The following LRTM3 variants were observed in gnomAD, a reference collection of about 807,000 sequenced individuals.
LRTM3 encodes the protein leucine rich repeat transmembrane protein 3, also known as leucine-rich repeat transmembrane protein 3.
chr13:102,738,982 A>G, the LRTM3 span: 1 of 1,550,516 alleles, frequency 6.4e-7, no homozygotes, highest in Non-Finnish European at 8.7e-7. Flanking sequence ...TACTGCTTAA[A>G]CTATCATCAA....
chr13:102,749,227 A>G, the LRTM3 span: 16 of 1,550,682 alleles, frequency 1.0e-5, no homozygotes, highest in South Asian at 1.5e-4. Flanking sequence ...GAGATGGAAC[A>G]TTAAGACTGA....
chr13:102,755,959 ATATT>A, the LRTM3 span, among the ~76,000 whole-genome samples: 25 of 70,280 alleles, frequency 3.6e-4, no homozygotes, highest in East Asian at 1.2e-3. Flanking sequence ...ATATATATAT[ATATT>A]TTTTTTTTTT....
the LRTM3 span, chr13:102,749,238 G>C: frequency 1.3e-6 from 2 of 1,550,710 alleles, no homozygotes; most frequent in Non-Finnish European, 1.7e-6. Flanking sequence ...TTAAGACTGA[G>C]TTTGCTTTTA....
the LRTM3 span, chr13:102,743,584 GTCAGATAA>G: frequency 1.9e-6 from 3 of 1,549,852 alleles, no homozygotes; most frequent in Non-Finnish European, 1.7e-6. Context: ...GGTTTTTAGA[GTCAGATAA>G]AACAGGCATG....
At chr13:102,741,953 A>G in the LRTM3 span, 2 of 1,550,452 alleles carry the variant, frequency 1.3e-6, no homozygotes, top group Non-Finnish European at 1.7e-6. Context: ...CTTTTCTCTA[A>G]TATCTTGTTC....
chr13:102,750,646 A>G, the LRTM3 span, among the ~76,000 whole-genome samples: 2 of 152,162 alleles, frequency 1.3e-5, no homozygotes, highest in African/African-American at 4.8e-5. Context: ...TCTATTTTTG[A>G]CAAGATTGGG....
chr13:102,740,089 C>A, the LRTM3 span: 1 of 1,549,398 alleles, frequency 6.5e-7, no homozygotes, highest in Non-Finnish European at 8.7e-7. Context: ...ATGTTATAGG[C>A]AGACATACTT....
the LRTM3 span, chr13:102,749,889 T>C: frequency 2.6e-6 from 4 of 1,551,494 alleles, no homozygotes; most frequent in Non-Finnish European, 3.5e-6. Context: ...CATTGATAAG[T>C]AGTTCTGCTC....
At chr13:102,737,414 G>A in the LRTM3 span, 3 of 1,550,664 alleles carry the variant, frequency 1.9e-6, no homozygotes, top group Non-Finnish European at 2.6e-6. Context: ...GAAGAGAACT[G>A]TTTCCTGTTT....
the LRTM3 span, chr13:102,758,908 TA>T: frequency 1.3e-6 from 2 of 1,538,386 alleles, no homozygotes; most frequent in Non-Finnish European, 1.8e-6. Flanking sequence ...ACCCCTTTTT[TA>T]AAGGAATAAT....
the LRTM3 span, chr13:102,738,097 A>G: frequency 6.5e-7 from 1 of 1,549,956 alleles, no homozygotes; most frequent in Non-Finnish European, 8.7e-7. Flanking sequence ...CTTGCTCCTG[A>G]GCTTCTTGAT....
the LRTM3 span, among the ~76,000 whole-genome samples, chr13:102,754,690 C>G: frequency 6.6e-6 from 1 of 152,088 alleles, no homozygotes; most frequent in Non-Finnish European, 1.5e-5. Context: ...ACATTAGGTA[C>G]GTCTCCCCAT....
chr13:102,749,658 T>A, the LRTM3 span: 1 of 1,551,308 alleles, frequency 6.4e-7, no homozygotes, highest in Non-Finnish European at 8.7e-7. Flanking sequence ...GGCTTCTTCA[T>A]CACATCTTCA....
At chr13:102,742,439 G>T in the LRTM3 span, 1 of 1,548,032 alleles carries the variant, frequency 6.5e-7, no homozygotes. Context: ...CAGGGCAAAT[G>T]TCTTGGGATC....
chr13:102,746,121 C>G, the LRTM3 span: 24 of 1,551,084 alleles, frequency 1.5e-5, no homozygotes, highest in East Asian at 5.4e-4. Context: ...AGACTAGTCT[C>G]TAAAGTAGTT....
chr13:102,732,760 T>C, the LRTM3 span: 2 of 1,551,364 alleles, frequency 1.3e-6, no homozygotes, highest in Non-Finnish European at 1.7e-6. Flanking sequence ...TTTTCTCTTC[T>C]TGCAGATGTA....
chr13:102,742,760 A>G, the LRTM3 span: 5 of 1,550,572 alleles, frequency 3.2e-6, no homozygotes, highest in Middle Eastern at 8.4e-4. Context: ...CTGTCTTTTC[A>G]TTTCTTCTGA....
chr13:102,741,749 G>C, the LRTM3 span: 4 of 1,550,242 alleles, frequency 2.6e-6, no homozygotes, highest in Non-Finnish European at 3.5e-6. Context: ...TCTCTCCCAC[G>C]GAATTGAAAC....
the LRTM3 span, chr13:102,734,686 T>C: frequency 5.8e-6 from 9 of 1,551,102 alleles, no homozygotes; most frequent in African/African-American, 1.1e-4. Context: ...CTATGTGTGA[T>C]ATTCTCCGCA....
Sources: gnomAD v4.1 joint callset for allele counts (sites outside exome capture counted in the v4.1 genomes callset) on GRCh38, gnomAD v4.1.1 for gene constraint, MANE v1.5 for transcripts, NCBI Gene and HGNC (gene_info 2026-07-23, HGNC 2026-07-21) for gene names.